Variants in TBCK observed in about 807,000 individuals in gnomAD.
TBCK encodes TBC1 domain containing kinase.
TBCK carries 99 observed loss-of-function variants against 113.4 expected under a neutral mutation model. The observed-to-expected ratio is 0.87, with a 90% confidence interval of 0.74 to 1.03. The LOEUF (loss-of-function observed/expected upper bound fraction) is 1.03. Among genes scored for constraint, TBCK ranks in the 50% least tolerant of loss-of-function variants. TBCK has a pLI of 0.00. For synonymous variants in TBCK, 369 were observed against 370.8 expected, an observed-to-expected ratio of 1.00 and a Z score of 0.05; for missense variants, 1,045 against 1,061.3, an observed-to-expected ratio of 0.98 and a Z score of 0.21.
At chr4:106,214,365 G>A (rs1183844701) in intron 19 of TBCK, among the ~76,000 whole-genome samples, 2 of 152,230 alleles carry the variant, frequency 1.3e-5, no homozygotes, top group East Asian at 3.8e-4. Flanking sequence ...ACAGCTGGAC[G>A]GAGAATGACT....
intron 23 of TBCK, among the ~76,000 whole-genome samples, chr4:106,123,558 T>A (rs1457095550): frequency 6.6e-6 from 1 of 152,102 alleles, no homozygotes; most frequent in Non-Finnish European, 1.5e-5. Flanking sequence ...AGAGCCCACA[T>A]CGCCAAGGCA....
At chr4:106,242,300 G>C (rs750364590) in intron 12 of TBCK, among the ~76,000 whole-genome samples, 170 bp downstream of exon 12, 11 of 151,930 alleles carry the variant, frequency 7.2e-5, no homozygotes, top group Non-Finnish European at 1.6e-4. Flanking sequence ...TGAACAATCA[G>C]GTAATAAAGC....
chr4:106,296,386 G>A lies in TBCK; in HGVS notation c.194-1220C>T, dbSNP rs554709461. On this transcript the variant is annotated intron_variant, in intron 2 of 25. Coordinates refer to ENST00000394708, the MANE Select transcript of TBCK (RefSeq NM_001163435.3). The stretch of plus-strand genomic sequence containing the variant: ...TAAGGTAAAGGTGCAAAGAAACTGC[G>A]AATAATGATAACTGTAAAATGAAGG... 8.5e-5 allele frequency among the ~76,000 whole-genome samples: 13 copies of A among 152,102 alleles called. No homozygotes were observed. The East Asian group carries it at 1.4e-3, about 16-fold the overall frequency.
chr4:106,145,443 C>T (rs1328676591), intron 23 of TBCK, among the ~76,000 whole-genome samples: 1 of 152,218 alleles, frequency 6.6e-6, no homozygotes, highest in African/African-American at 2.4e-5. Context: ...CTCATGCTCA[C>T]ACATATTCAC....
At position 106,268,207 on chromosome 4, in the gene TBCK, T is replaced by G. The variant is rs1314626963; in HGVS notation, c.267-5995A>C. The stretch of plus-strand genomic sequence containing the variant: ...ATGGTTTGCCATTTCAATAATTTTT[T>G]GCAAAGATCCTTAATGGGTTCTCAT... On this transcript the variant is annotated intron_variant, in intron 3 of 25. Coordinates refer to ENST00000394708, the MANE Select transcript of TBCK (RefSeq NM_001163435.3). 5.3e-5 allele frequency among the ~76,000 whole-genome samples: 8 copies of G among 152,184 alleles called. No individual in the cohort carries two copies. In the South Asian group the frequency reaches 1.7e-3, roughly 32 times the overall value.
At chr4:106,265,225 T>A (rs1762883013) in intron 3 of TBCK, among the ~76,000 whole-genome samples, 1 of 151,938 alleles carries the variant, frequency 6.6e-6, no homozygotes, top group Non-Finnish European at 1.5e-5. Flanking sequence ...AGACAGATGA[T>A]AACTGGAACT....
chr4:106,218,034 G>C (rs1394305713), intron 19 of TBCK, among the ~76,000 whole-genome samples: 1 of 143,822 alleles, frequency 7.0e-6, no homozygotes, highest in South Asian at 2.4e-4. Flanking sequence ...TAGATCAATG[G>C]AACAGAATAG....
intron 1 of TBCK, among the ~76,000 whole-genome samples, chr4:106,311,838 G>A (rs1281755604): frequency 6.6e-6 from 1 of 152,028 alleles, no homozygotes; most frequent in Non-Finnish European, 1.5e-5. Context: ...GAAAAGGAAA[G>A]TCCTTTTTAC....
rs1186457402 is a variant in TBCK at position 106,247,298 on chromosome 4, T to C, written c.783-11A>G. 2 of 1,609,478 alleles carry C rather than the reference T, an allele frequency of 1.2e-6. No homozygotes were observed. The highest frequency in any genetic ancestry group is 1.7e-6 in the Non-Finnish European group (2 of 1,176,936). On this transcript the variant is annotated splice_polypyrimidine_tract_variant and intron_variant, in intron 9 of 25. Coordinates refer to ENST00000394708, the MANE Select transcript of TBCK (RefSeq NM_001163435.3). ...TGATCTGGGGTTGGCCTTGAGAACA[T>C]TTAAAATACAGAGCATGAATGAAAG...
chr4:106,046,168 G>A lies in TBCK; in HGVS notation c.*402C>T, dbSNP rs1734199343. The A allele has an allele frequency of 6.4e-6, 1 of 155,060 alleles. No individual in the cohort carries two copies. The highest frequency in any genetic ancestry group is 2.0e-4 in the South Asian group (1 of 4,962). 9.6% of individuals were successfully genotyped at this position (155,060 alleles called of 1,614,324 possible). ...TCAGTTTTCATTATGGAAAGATGAT[G>A]ATTTCAGCCCACATTCAGTGTATGT... On this transcript the variant is annotated 3_prime_UTR_variant, in exon 26 of 26. Coordinates refer to ENST00000394708, the MANE Select transcript of TBCK (RefSeq NM_001163435.3).
At chr4:106,060,290 T>C (rs189368672) in intron 25 of TBCK, among the ~76,000 whole-genome samples, 101 of 151,884 alleles carry the variant, frequency 6.6e-4, no homozygotes, top group South Asian at 8.3e-4. Context: ...GATCAATGCC[T>C]GGCTTCAAGG....
intron 23 of TBCK, among the ~76,000 whole-genome samples, chr4:106,131,389 G>T (rs1745903323): frequency 6.6e-6 from 1 of 152,228 alleles, no homozygotes; most frequent in South Asian, 2.1e-4. Context: ...AAGGCGGGCG[G>T]ATCACCTGAG....
intron 25 of TBCK, among the ~76,000 whole-genome samples, chr4:106,077,238 T>C (rs1738305352): frequency 6.6e-6 from 1 of 152,192 alleles, no homozygotes; most frequent in South Asian, 2.1e-4. Flanking sequence ...CATACCCCAT[T>C]GACACTATAA....
At chr4:106,202,278 T>C (rs1437239356) in intron 20 of TBCK, among the ~76,000 whole-genome samples, 1 of 151,946 alleles carries the variant, frequency 6.6e-6, no homozygotes, top group Non-Finnish European at 1.5e-5. Flanking sequence ...AACAATTATT[T>C]CATCAATACC....
At chr4:106,272,924 T>C (rs1432079398) in intron 3 of TBCK, among the ~76,000 whole-genome samples, 1 of 152,198 alleles carries the variant, frequency 6.6e-6, no homozygotes, top group Non-Finnish European at 1.5e-5. Flanking sequence ...AATTATGGGT[T>C]CACTTAACTG....
chr4:106,144,476 G>A (rs1747524976), intron 23 of TBCK, among the ~76,000 whole-genome samples: 1 of 152,062 alleles, frequency 6.6e-6, no homozygotes, highest in Admixed American at 6.6e-5. Context: ...ACTATGAAAT[G>A]GGGTCTCTGA....
chr4:106,242,757 C>T (rs962383891), intron 11 of TBCK, among the ~76,000 whole-genome samples, 188 bp from the exon 12 acceptor site: 1 of 151,714 alleles, frequency 6.6e-6, no homozygotes, highest in Non-Finnish European at 1.5e-5. Context: ...TACATGTGCA[C>T]AATGTGCAGG....
At chr4:106,147,738 G>A (rs906223618) in intron 23 of TBCK, among the ~76,000 whole-genome samples, 2 of 152,062 alleles carry the variant, frequency 1.3e-5, no homozygotes, top group African/African-American at 2.4e-5. Context: ...AAATTGTAGA[G>A]CATGTGTGTT....
At chr4:106,129,486 C>T (rs546291248) in intron 23 of TBCK, among the ~76,000 whole-genome samples, 93 of 151,976 alleles carry the variant, frequency 6.1e-4, no homozygotes, top group Non-Finnish European at 9.7e-4. Flanking sequence ...TACAAAAGAA[C>T]AAGAAAAAGT....
Sources: allele counts gnomAD v4.1 joint callset (sites outside exome capture counted in the v4.1 genomes callset), GRCh38; gene constraint gnomAD v4.1.1; transcripts MANE v1.5; gene names NCBI Gene and HGNC (gene_info 2026-07-23, HGNC 2026-07-21).